STK31: variants seen among roughly 807,000 people sequenced by gnomAD.
The protein encoded by STK31 is serine/threonine-protein kinase 31.
Under a neutral mutation model 129.7 loss-of-function variants are expected in STK31, and 89 were observed. The ratio of observed to expected loss-of-function variants is 0.69; its 90% confidence interval spans 0.58 to 0.82. STK31 has a LOEUF of 0.82. STK31 is among the 40% of genes least tolerant of loss of function. The pLI is 0.00. For synonymous variants in STK31, 448 were observed against 395.3 expected (o/e 1.13, Z -1.58); for missense variants, 1,187 against 1,176.4 (o/e 1.01, Z -0.13).
chr7:23,717,703 A>T, intron 4 of STK31, 124 bp downstream of exon 4: 1 of 678,202 alleles, frequency 1.5e-6, no homozygotes, highest in East Asian at 2.7e-5. Flanking sequence ...GAATTTGTAT[A>T]AACTACTGTT....
chr7:23,721,306 A>G (rs2128066193), intron 4 of STK31: 3 of 648,274 alleles, frequency 4.6e-6, no homozygotes, highest in South Asian at 3.8e-5. Flanking sequence ...CTTGATCTAA[A>G]CTATTTGTCT....
At chr7:23,811,389 A>G (rs1003240060) in intron 22 of STK31, 2 of 342,360 alleles carry the variant, frequency 5.8e-6, no homozygotes, top group South Asian at 6.0e-5. Flanking sequence ...TCTTTCATAT[A>G]CATCTTGTAG....
chr7:23,717,403 T>G, intron 3 of STK31, 78 bp from the exon 4 acceptor site: 1 of 919,652 alleles, frequency 1.1e-6, no homozygotes, highest in Non-Finnish European at 1.6e-6. Context: ...TTTAAGTTTA[T>G]CATGCTTAGA....
chr7:23,786,992 A>G, intron 20 of STK31, 68 bp downstream of exon 20: 1 of 1,458,600 alleles, frequency 6.9e-7, no homozygotes, highest in Non-Finnish European at 9.6e-7. Flanking sequence ...ATATTTATTC[A>G]GGCATACTAC....
chr7:23,745,414 A>C (rs182347844), intron 8 of STK31, among the ~76,000 whole-genome samples: 28 of 152,232 alleles, frequency 1.8e-4, no homozygotes, highest in Admixed American at 5.2e-4. Flanking sequence ...CAGCCCTGTC[A>C]CTGGGGAGGG....
At chr7:23,728,500 T>A (rs950865904) in intron 5 of STK31, among the ~76,000 whole-genome samples, 1 of 152,158 alleles carries the variant, frequency 6.6e-6, no homozygotes, top group Non-Finnish European at 1.5e-5. Context: ...CAACTGGAGA[T>A]GATATTTTAC....
rs1270362643 is a variant in STK31 at position 23,769,662 on chromosome 7, G to A, written c.1619G>A (p.Gly540Glu). The change falls in exon 13 of 24, where the codon GGA becomes GAA. Residue 540 changes from glycine (G) to glutamate (E), a missense_variant. By Grantham distance (98) the Gly-to-Glu change is moderately conservative. Coordinates refer to ENST00000355870, the MANE Select transcript of STK31 (RefSeq NM_031414.5). ...TLKVFDLSVE[G>E]SLISEDAMDN... ...GAGGTTTTTGACCTATCTGTGGAAG[G>A]ATCACTGATTTCAGAAGACGCAATG... The A allele has an allele frequency of 6.2e-7, 1 of 1,610,500 alleles. No homozygotes were observed. The highest frequency in any genetic ancestry group is 8.5e-7 in the Non-Finnish European group (1 of 1,178,130).
chr7:23,765,788 C>A (rs183437956), intron 11 of STK31, among the ~76,000 whole-genome samples: 34 of 152,236 alleles, frequency 2.2e-4, no homozygotes, highest in African/African-American at 7.7e-4. Flanking sequence ...CTCAAGTCAT[C>A]CACCCGCCTC....
Position 23,790,895 on chromosome 7 carries a change from A to G in STK31, c.2709A>G (p.Lys903=). 5 of 1,608,068 alleles carry G rather than the reference A, an allele frequency of 3.1e-6. No homozygotes were observed. The highest frequency in any genetic ancestry group is 4.2e-6 in the Non-Finnish European group (5 of 1,177,710). ...SLMSPELKMG[K]PASPGSDLYA... is the part of the protein sequence containing the mutation. ...TGTCACCTGAGTTGAAAATGGGAAA[A>G]CCTGCTTCTCCAGGTTCAGACTTAT... The change falls in exon 22 of 24, where the codon AAA becomes AAG. Residue 903 remains lysine (K), a synonymous_variant. Coordinates refer to ENST00000355870, the MANE Select transcript of STK31 (RefSeq NM_031414.5).
intron 22 of STK31, chr7:23,811,526 T>G (rs2128125715): frequency 3.6e-6 from 1 of 279,070 alleles, no homozygotes. Context: ...AATGAGCAAG[T>G]CATCAATATT....
At chr7:23,832,014 G>T (rs546556727) in intron 23 of STK31, 122 bp from the exon 24 acceptor site, 1 of 663,782 alleles carries the variant, frequency 1.5e-6, no homozygotes, top group Non-Finnish European at 2.6e-6. Flanking sequence ...CAGATACCTC[G>T]TCAGTCATCT....
intron 4 of STK31, among the ~76,000 whole-genome samples, chr7:23,723,397 T>C (rs1196372073): frequency 6.6e-6 from 1 of 152,124 alleles, no homozygotes; most frequent in Non-Finnish European, 1.5e-5. Flanking sequence ...AGCCAACTCA[T>C]TCCTCAATTT....
chr7:23,712,217 T>C lies in STK31; in HGVS notation c.98-17T>C. The C allele has an allele frequency of 6.2e-7, 1 of 1,614,088 alleles. No homozygotes were observed. The highest frequency in any genetic ancestry group is 8.5e-7 in the Non-Finnish European group (1 of 1,179,966). On this transcript the variant is annotated splice_polypyrimidine_tract_variant and intron_variant, in intron 2 of 23. Coordinates refer to ENST00000355870, the MANE Select transcript of STK31 (RefSeq NM_031414.5). ...TGATTAATTTCTAATTTTCCTTGTA[T>C]TGTGATTTGATTTTAGTGGAAGATG...
chr7:23,765,845 C>T (rs761267386), intron 11 of STK31, among the ~76,000 whole-genome samples: 36 of 152,208 alleles, frequency 2.4e-4, no homozygotes, highest in Non-Finnish European at 4.3e-4. Flanking sequence ...CTGTGCCCGG[C>T]CACTCTTCTA....
At chr7:23,798,532 C>G (rs150806040) in intron 22 of STK31, among the ~76,000 whole-genome samples, 3 of 150,874 alleles carry the variant, frequency 2.0e-5, no homozygotes, top group Non-Finnish European at 4.4e-5. Flanking sequence ...CAAGAAAAAG[C>G]CTTTGATAAA....
At position 23,790,979 on chromosome 7, in the gene STK31, A is replaced by G. The variant is rs116676293; in HGVS notation, c.2760+33A>G. ...ATTTTTTTGTTGAAATAGATCATATATATATATATTTCAGTATATAAAGTG... is the reference window on the plus strand; with the variant it reads ...ATTTTTTTGTTGAAATAGATCATATGTATATATATTTCAGTATATAAAGTG... On this transcript the variant is annotated intron_variant, in intron 22 of 23. Coordinates refer to ENST00000355870, the MANE Select transcript of STK31 (RefSeq NM_031414.5). 1,090 of 1,430,396 alleles carry G rather than the reference A, an allele frequency of 7.6e-4. 15 individuals are homozygous for G. In the African/African-American group the frequency reaches 0.015, roughly 19 times the overall value. 88.6% of individuals were successfully genotyped at this position (1,430,396 alleles called of 1,614,324 possible).
At chr7:23,803,782 G>A (rs1300266002) in intron 22 of STK31, among the ~76,000 whole-genome samples, 1 of 151,918 alleles carries the variant, frequency 6.6e-6, no homozygotes, top group Non-Finnish European at 1.5e-5. Context: ...TCCCTTCTTT[G>A]TGTTCATGAG....
intron 18 of STK31, 69 bp downstream of exon 18, chr7:23,785,672 A>C (rs535519659): frequency 6.6e-7 from 1 of 1,522,150 alleles, no homozygotes; most frequent in African/African-American, 1.4e-5. Flanking sequence ...GTTACATTTC[A>C]AGAAAGAAAA....
At chr7:23,751,965 T>TG in intron 8 of STK31, among the ~76,000 whole-genome samples, 1 of 105,634 alleles carries the variant, frequency 9.5e-6, no homozygotes, top group Non-Finnish European at 1.9e-5. Flanking sequence ...TCTGGGGGCT[T>TG]GGGGGAGGGG....
Sources: allele counts gnomAD v4.1 joint callset (sites outside exome capture counted in the v4.1 genomes callset), GRCh38; gene constraint gnomAD v4.1.1; transcripts MANE v1.5; gene names NCBI Gene and HGNC (gene_info 2026-07-23, HGNC 2026-07-21).